DEPTOR: variants seen among roughly 807,000 people sequenced by gnomAD.
DEPTOR encodes DEP domain containing MTOR interacting protein.
Under a neutral mutation model 41.6 loss-of-function variants are expected in DEPTOR, and 41 were observed. The ratio of observed to expected loss-of-function variants is 0.98; its 90% CI spans 0.77 to 1.28. The LOEUF (loss-of-function observed/expected upper bound fraction) is 1.28, where lower values mean the gene tolerates loss of function less well. DEPTOR is among the 50% of genes most tolerant of loss of function. DEPTOR has a pLI of 0.00. For missense variants in DEPTOR, 514 were observed against 527.9 expected (o/e 0.97, Z 0.26); for synonymous variants, 195 against 192.3 (o/e 1.01, Z -0.12).
In DEPTOR at chr8:119,928,588, G is replaced by A. The variant is rs1210243593; in HGVS notation, c.301+10G>A. The A allele has an allele frequency of 2.5e-6, 4 of 1,611,348 alleles. No individual in the cohort carries two copies. The highest frequency in any genetic ancestry group is 3.4e-5 in the Admixed American group (2 of 59,520). Reference sequence around the variant, plus strand: ...GGCATTATTCACCATGGTGAGTGCGGTGGCGAGTCAAGGTGACTTGAGAGA... The same window carrying A: ...GGCATTATTCACCATGGTGAGTGCGATGGCGAGTCAAGGTGACTTGAGAGA... On this transcript the variant is annotated intron_variant, in intron 2 of 8. Coordinates refer to ENST00000286234, the MANE Select transcript of DEPTOR (RefSeq NM_022783.4).
chr8:119,957,406 G>T (rs777056339), intron 3 of DEPTOR, among the ~76,000 whole-genome samples: 41 of 152,244 alleles, frequency 2.7e-4, no homozygotes, highest in Admixed American at 4.6e-4. Flanking sequence ...ACATGGTCCA[G>T]ATTTGTAGGA....
At chr8:119,960,908 C>T (rs182435517) in intron 3 of DEPTOR, among the ~76,000 whole-genome samples, 42 of 151,642 alleles carry the variant, frequency 2.8e-4, no homozygotes, top group African/African-American at 7.7e-4. Flanking sequence ...TGCCTGAATC[C>T]GGGAGGCGGA....
chr8:120,037,728 A>G (rs1264725216), intron 8 of DEPTOR, among the ~76,000 whole-genome samples: 2 of 152,118 alleles, frequency 1.3e-5, no homozygotes, highest in Non-Finnish European at 2.9e-5. Flanking sequence ...AAACATGGTT[A>G]TTTGTTATTT....
chr8:120,042,633 C>T (rs1017712462), intron 8 of DEPTOR, among the ~76,000 whole-genome samples: 3 of 152,112 alleles, frequency 2.0e-5, no homozygotes, highest in Non-Finnish European at 4.4e-5. Flanking sequence ...ATTCTCCTGC[C>T]TCAGCCTCCC....
intron 1 of DEPTOR, among the ~76,000 whole-genome samples, chr8:119,882,074 A>G (rs1002804058): frequency 1.2e-4 from 18 of 152,044 alleles, no homozygotes; most frequent in Non-Finnish European, 2.6e-4. Flanking sequence ...AATTTTTAGT[A>G]GAGATGAGGT....
At chr8:119,984,874 C>T (rs1018700999) in intron 4 of DEPTOR, among the ~76,000 whole-genome samples, 14 of 152,084 alleles carry the variant, frequency 9.2e-5, no homozygotes, top group African/African-American at 3.4e-4. Context: ...AACTAATTTA[C>T]ACTCCCACCA....
intron 4 of DEPTOR, among the ~76,000 whole-genome samples, chr8:119,971,065 C>T (rs570253594): frequency 3.7e-4 from 56 of 152,040 alleles, no homozygotes; most frequent in African/African-American, 1.3e-3. Context: ...CCCGTCTCTG[C>T]TAAAAATACA....
chr8:119,939,547 G>A (rs1828174650), intron 3 of DEPTOR, among the ~76,000 whole-genome samples: 1 of 152,158 alleles, frequency 6.6e-6, no homozygotes, highest in Non-Finnish European at 1.5e-5. Context: ...GAGTGCATTG[G>A]TGCGATCTCG....
chr8:119,954,352 C>T (rs1828391399), intron 3 of DEPTOR, among the ~76,000 whole-genome samples: 1 of 151,922 alleles, frequency 6.6e-6, no homozygotes, highest in African/African-American at 2.4e-5. Flanking sequence ...TGCCATATTG[C>T]CCAGGTTGGT....
intron 1 of DEPTOR, among the ~76,000 whole-genome samples, chr8:119,878,917 C>G (rs1827262334): frequency 6.6e-6 from 1 of 151,666 alleles, no homozygotes; most frequent in African/African-American, 2.4e-5. Flanking sequence ...TCAAGACCAG[C>G]CTTACCAACA....
intron 3 of DEPTOR, among the ~76,000 whole-genome samples, chr8:119,951,676 G>A (rs1020474770): frequency 1.3e-5 from 2 of 152,166 alleles, no homozygotes; most frequent in African/African-American, 4.8e-5. Flanking sequence ...GTTGCTTATG[G>A]TATTCACTTA....
intron 1 of DEPTOR, among the ~76,000 whole-genome samples, chr8:119,912,026 ATAAGAT>A (rs1251514836): frequency 6.6e-6 from 1 of 152,256 alleles, no homozygotes; most frequent in Admixed American, 6.5e-5. Context: ...ATTAATGCAA[ATAAGAT>A]TAAAGTAATA....
chr8:120,008,467 G>A (rs1172891700), intron 7 of DEPTOR, among the ~76,000 whole-genome samples: 1 of 146,924 alleles, frequency 6.8e-6, no homozygotes, highest in Non-Finnish European at 1.5e-5. Context: ...AGGTGGGGTT[G>A]CAGTGAGCTG....
chr8:119,957,750 G>A (rs1051455806), intron 3 of DEPTOR, among the ~76,000 whole-genome samples: 1 of 152,056 alleles, frequency 6.6e-6, no homozygotes, highest in African/African-American at 2.4e-5. Context: ...CACCATGCCC[G>A]GCTAATTTTT....
chr8:119,958,721 G>T (rs1300129893), intron 3 of DEPTOR, among the ~76,000 whole-genome samples: 1 of 152,084 alleles, frequency 6.6e-6, no homozygotes, highest in Non-Finnish European at 1.5e-5. Flanking sequence ...GGCAGAGGTT[G>T]CAGTGAGCCG....
intron 6 of DEPTOR, among the ~76,000 whole-genome samples, chr8:120,006,587 T>C (rs1543200): frequency 0.68 from 103,341 of 151,620 alleles, 35,725 homozygotes; most frequent in Middle Eastern, 0.76. Flanking sequence ...GCTTTCCTTC[T>C]CTTTCTTTTT....
At chr8:119,896,942 T>G (rs2129734870) in intron 1 of DEPTOR, among the ~76,000 whole-genome samples, 1 of 152,262 alleles carries the variant, frequency 6.6e-6, no homozygotes, top group East Asian at 1.9e-4. Flanking sequence ...TAATAAAAGC[T>G]ACAAAAACTT....
chr8:119,979,554 C>T (rs1286401446), intron 4 of DEPTOR, among the ~76,000 whole-genome samples: 2 of 152,156 alleles, frequency 1.3e-5, no homozygotes, highest in Non-Finnish European at 2.9e-5. Flanking sequence ...TGAGCTACTG[C>T]ACCTGGCCCA....
intron 1 of DEPTOR, among the ~76,000 whole-genome samples, chr8:119,902,323 C>T (rs1827605334): frequency 6.9e-6 from 1 of 145,694 alleles, no homozygotes; most frequent in Non-Finnish European, 1.5e-5. Context: ...GTGATGGAGA[C>T]TGCTCAGATT....
Sources: gnomAD v4.1 joint callset for allele counts (sites outside exome capture counted in the v4.1 genomes callset) on GRCh38, gnomAD v4.1.1 for gene constraint, MANE v1.5 for transcripts, NCBI Gene and HGNC (gene_info 2026-07-23, HGNC 2026-07-21) for gene names.